PHC3: variants seen among roughly 807,000 people sequenced by gnomAD.
The protein encoded by PHC3 is polyhomeotic homolog 3.
In PHC3, 13 loss-of-function variants were observed where a neutral mutation model predicts 107.4. The observed-to-expected ratio is 0.12, with a 90% CI of 0.08 to 0.19. PHC3 has a LOEUF of 0.19. Ranked by LOEUF, PHC3 falls within the 10% of genes least tolerant of loss-of-function variation. The pLI, the probability that PHC3 is intolerant of heterozygous loss-of-function variation, is 1.00. For synonymous variants in PHC3, 456 were observed against 427.4 expected, an observed-to-expected ratio of 1.07 and a Z score of -0.83; for missense variants, 992 against 1,210.9, an observed-to-expected ratio of 0.82 and a Z score of 2.68.
intron 2 of PHC3, chr3:170,176,818 ATACT>A: frequency 2.3e-6 from 1 of 434,986 alleles, no homozygotes; most frequent in South Asian, 1.6e-5. Flanking sequence ...AATCTCAAAG[ATACT>A]TCATTTAATC....
chr3:170,132,860 A>G (rs1309319104), intron 7 of PHC3, among the ~76,000 whole-genome samples: 1 of 152,230 alleles, frequency 6.6e-6, no homozygotes, highest in Non-Finnish European at 1.5e-5. Flanking sequence ...AAAAACTGTG[A>G]TAGAAAAACT....
At chr3:170,119,659 T>C (rs1719812679) in intron 9 of PHC3, among the ~76,000 whole-genome samples, 1 of 152,178 alleles carries the variant, frequency 6.6e-6, no homozygotes, top group Non-Finnish European at 1.5e-5. Flanking sequence ...TTGCCACAAA[T>C]CTGTCTATTC....
At chr3:170,143,879 T>C (rs540808238) in intron 6 of PHC3, among the ~76,000 whole-genome samples, 1 of 152,294 alleles carries the variant, frequency 6.6e-6, no homozygotes, top group Non-Finnish European at 1.5e-5. Flanking sequence ...ACTAATCTGA[T>C]TGTTTTTCAC....
In PHC3 at chr3:170,122,754, C is replaced by T. The variant is rs1221319258; in HGVS notation, c.1789-10G>A. On this transcript the variant is annotated splice_polypyrimidine_tract_variant and intron_variant, in intron 8 of 14. Transcript: ENST00000495893. ...CTTCTACCTGATAAACCTGCAATGACAAACCATACTGCCTTAAAATGTTTC... is the reference window on the plus strand; with the variant it reads ...CTTCTACCTGATAAACCTGCAATGATAAACCATACTGCCTTAAAATGTTTC... The T allele has an allele frequency of 1.2e-6, 2 of 1,613,368 alleles. No homozygotes were observed. Among genetic ancestry groups the T allele is most frequent in the Admixed American group, 3.3e-5 (2 of 59,960 alleles).
intron 8 of PHC3, chr3:170,128,333 TA>T: frequency 7.9e-7 from 1 of 1,268,890 alleles, no homozygotes; most frequent in Non-Finnish European, 1.0e-6. Flanking sequence ...CTATGAAGGA[TA>T]ATCACCTTAA....
At chr3:170,149,034 T>C in intron 5 of PHC3, 52 bp downstream of exon 5, 1 of 1,521,816 alleles carries the variant, frequency 6.6e-7, no homozygotes, top group Non-Finnish European at 9.0e-7. Context: ...AAGAAACATT[T>C]TGATCTCTCA....
chr3:170,149,910 C>T (rs1410687883), intron 4 of PHC3: 1 of 152,138 alleles, frequency 6.6e-6, no homozygotes, highest in Non-Finnish European at 1.5e-5. Context: ...ATGGCTCCTG[C>T]CCAAAAATGA....
At chr3:170,104,373 G>A (rs1716066171) in intron 12 of PHC3, among the ~76,000 whole-genome samples, 1 of 152,116 alleles carries the variant, frequency 6.6e-6, no homozygotes, top group Non-Finnish European at 1.5e-5. Context: ...GAAAAGCTAT[G>A]CAAAGCTAGG....
intron 5 of PHC3, among the ~76,000 whole-genome samples, 187 bp from the exon 6 acceptor site, chr3:170,145,708 A>C (rs114441434): frequency 2.6e-5 from 4 of 152,364 alleles, no homozygotes; most frequent in East Asian, 1.9e-4. Context: ...AAAAAATCAT[A>C]AACATTTTTG....
intron 11 of PHC3, among the ~76,000 whole-genome samples, chr3:170,109,481 G>A (rs993304195): frequency 1.3e-5 from 2 of 152,238 alleles, no homozygotes; most frequent in South Asian, 2.1e-4. Context: ...TACCACATAA[G>A]CCCTGGACTG....
chr3:170,109,530 T>C (rs916027128), intron 11 of PHC3, among the ~76,000 whole-genome samples: 5 of 152,160 alleles, frequency 3.3e-5, no homozygotes, highest in Non-Finnish European at 7.4e-5. Context: ...ATTCCTATCT[T>C]CTTTAATCAA....
intron 5 of PHC3, among the ~76,000 whole-genome samples, chr3:170,146,975 C>T (rs942426883): frequency 4.0e-5 from 6 of 150,364 alleles, no homozygotes; most frequent in East Asian, 2.0e-4. Flanking sequence ...CTCTGCCTTC[C>T]GAGTTCAAGT....
At chr3:170,128,608 A>G in intron 8 of PHC3, 76 bp downstream of exon 8, 2 of 1,485,362 alleles carry the variant, frequency 1.3e-6, no homozygotes, top group South Asian at 1.4e-5. Context: ...TAGATCTTGC[A>G]ATAAAACATA....
At chr3:170,158,569 C>T (rs542920219) in intron 4 of PHC3, among the ~76,000 whole-genome samples, 1 of 151,756 alleles carries the variant, frequency 6.6e-6, no homozygotes, top group South Asian at 2.1e-4. Flanking sequence ...CACCACTGCA[C>T]TCAAGCCTAG....
chr3:170,121,992 C>A (rs549753049), intron 9 of PHC3, among the ~76,000 whole-genome samples: 1 of 152,290 alleles, frequency 6.6e-6, no homozygotes, highest in South Asian at 2.1e-4. Context: ...GTAGCTCACA[C>A]CTGTAATCCC....
At chr3:170,126,691 G>A (rs1195942570) in intron 8 of PHC3, among the ~76,000 whole-genome samples, 3 of 151,046 alleles carry the variant, frequency 2.0e-5, no homozygotes, top group Non-Finnish European at 3.0e-5. Flanking sequence ...ACAGGCATTC[G>A]CCACCATGCC....
At chr3:170,127,814 T>C (rs903424614) in intron 8 of PHC3, among the ~76,000 whole-genome samples, 2 of 152,170 alleles carry the variant, frequency 1.3e-5, no homozygotes, top group African/African-American at 4.8e-5. Flanking sequence ...CTTATTTCAG[T>C]TTTATAAATC....
At chr3:170,128,217 T>TGAAACA (rs1222755685) in intron 8 of PHC3, 6 of 331,046 alleles carry the variant, frequency 1.8e-5, no homozygotes, top group Non-Finnish European at 2.8e-5. Flanking sequence ...ATCTCCAACT[T>TGAAACA]GAAACAAAAT....
chr3:170,104,721 T>A (rs1716142440), intron 12 of PHC3, among the ~76,000 whole-genome samples: 1 of 152,194 alleles, frequency 6.6e-6, no homozygotes, highest in Admixed American at 6.5e-5. Context: ...AAATAAAAAG[T>A]ACTATGATAA....
Sources: allele counts gnomAD v4.1 joint callset (sites outside exome capture counted in the v4.1 genomes callset), GRCh38; gene constraint gnomAD v4.1.1; transcripts MANE v1.5; gene names NCBI Gene and HGNC (gene_info 2026-07-23, HGNC 2026-07-21).